Variants in ITSN1 observed in about 807,000 individuals in gnomAD.
ITSN1 encodes intersectin-1.
Under a neutral mutation model 239.8 loss-of-function variants are expected in ITSN1, and 58 were observed. The ratio of observed to expected loss-of-function variants is 0.24; its 90% CI spans 0.20 to 0.30. The LOEUF is 0.30. Among genes scored for constraint, ITSN1 ranks in the 10% least tolerant of loss-of-function variants. The probability of loss-of-function intolerance (pLI) is 1.00; values close to 1 mark genes in which losing one functional copy is unlikely to be tolerated. For synonymous variants in ITSN1, 780 were observed against 770.8 expected (o/e 1.01, Z -0.20); for missense variants, 1,558 against 2,103.3 (o/e 0.74, Z 5.07).
intron 1 of ITSN1, among the ~76,000 whole-genome samples, chr21:33,644,277 C>T (rs1003496585): frequency 5.3e-5 from 8 of 152,142 alleles, no homozygotes; most frequent in Admixed American, 1.3e-4. Context: ...AAAGAAAAAT[C>T]CTTAGTGCAG....
intron 12 of ITSN1, among the ~76,000 whole-genome samples, 167 bp downstream of exon 12, chr21:33,772,490 C>T (rs1455755971): frequency 1.3e-5 from 2 of 152,304 alleles, no homozygotes; most frequent in Middle Eastern, 3.4e-3. Context: ...ATTTTCATCA[C>T]TCCAGCTCTT....
chr21:33,822,998 GCTAT>G (rs1416568641), intron 24 of ITSN1, among the ~76,000 whole-genome samples: 4 of 152,190 alleles, frequency 2.6e-5, no homozygotes, highest in Admixed American at 6.5e-5. Flanking sequence ...AAGGATATAT[GCTAT>G]CTAACAATTT....
intron 1 of ITSN1, among the ~76,000 whole-genome samples, chr21:33,710,300 G>A (rs924085745): frequency 2.0e-5 from 3 of 151,684 alleles, no homozygotes; most frequent in Admixed American, 6.6e-5. Flanking sequence ...GGATGGTCTC[G>A]ACCTCCTGAC....
intron 1 of ITSN1, among the ~76,000 whole-genome samples, chr21:33,693,357 T>G (rs139551395): frequency 0.016 from 2,367 of 151,610 alleles, 28 homozygotes; most frequent in Middle Eastern, 0.031. Context: ...GTTTTGTTTT[T>G]TTTGGTGGGG....
chr21:33,730,947 C>T (rs918874814), intron 4 of ITSN1, among the ~76,000 whole-genome samples: 2 of 152,074 alleles, frequency 1.3e-5, no homozygotes, highest in African/African-American at 4.8e-5. Context: ...CCACCTGCCT[C>T]GGCCTCCCAA....
At chr21:33,794,510 T>G (rs573441789) in intron 17 of ITSN1, 42 bp downstream of exon 17, 1 of 1,576,210 alleles carries the variant, frequency 6.3e-7, no homozygotes, top group East Asian at 2.2e-5. Context: ...GAAGGAACTT[T>G]GAGGATTTAC....
At position 33,802,462 on chromosome 21, in the gene ITSN1, G is replaced by C. The variant is rs767727324; in HGVS notation, c.2319+18G>C. 1.2e-6 allele frequency: 2 copies of C among 1,613,102 alleles called. No homozygotes were observed. Among genetic ancestry groups the C allele is most frequent in the South Asian group, 2.2e-5 (2 of 90,948 alleles). ...GGGAATGGGTAAGTGTTGCCTAACT[G>C]TCAGGAAGTCTGCATCTTATTCAAT... is the stretch of plus-strand genomic sequence containing the variant. On this transcript the variant is annotated intron_variant, in intron 20 of 39. Transcript: ENST00000381318.
At chr21:33,665,838 T>C (rs1447663958) in intron 1 of ITSN1, among the ~76,000 whole-genome samples, 1 of 152,282 alleles carries the variant, frequency 6.6e-6, no homozygotes, top group East Asian at 1.9e-4. Context: ...TAAACGTACC[T>C]TGAAAGCATG....
At chr21:33,841,960 C>T (rs535083585) in intron 29 of ITSN1, among the ~76,000 whole-genome samples, 17 of 139,156 alleles carry the variant, frequency 1.2e-4, no homozygotes, top group South Asian at 4.6e-4. Context: ...TTTTTTGAGA[C>T]GGTTCACCCA....
chr21:33,852,068 A>G (rs747127868), intron 29 of ITSN1, among the ~76,000 whole-genome samples: 21 of 152,172 alleles, frequency 1.4e-4, no homozygotes, highest in Non-Finnish European at 2.8e-4. Flanking sequence ...GATTACAGAC[A>G]TAAGCCACCA....
At chr21:33,878,008 TTGTGTGTGTGTG>T (rs71194867) in intron 34 of ITSN1, among the ~76,000 whole-genome samples, 45,313 of 140,256 alleles carry the variant, frequency 0.32, 8,336 homozygotes, top group East Asian at 0.49. Context: ...CTCTCTCTCT[TTGTGTGTGTGTG>T]TGTGTGTGTG....
chr21:33,662,065 T>C (rs2089601775), intron 1 of ITSN1, among the ~76,000 whole-genome samples: 1 of 152,140 alleles, frequency 6.6e-6, no homozygotes, highest in Non-Finnish European at 1.5e-5. Context: ...CAGTTTAGAG[T>C]GCATTATGCT....
chr21:33,660,815 A>G (rs1215773618), intron 1 of ITSN1, among the ~76,000 whole-genome samples: 1 of 152,186 alleles, frequency 6.6e-6, no homozygotes, highest in African/African-American at 2.4e-5. Context: ...CTCTGTTACA[A>G]TAAAATCTGT....
chr21:33,700,567 C>T (rs759104961), intron 1 of ITSN1, among the ~76,000 whole-genome samples: 6 of 152,122 alleles, frequency 3.9e-5, no homozygotes, highest in Non-Finnish European at 5.9e-5. Flanking sequence ...AAGCCTAATC[C>T]GTTTATAAAT....
In ITSN1 at chr21:33,811,194, C is replaced by A; in HGVS notation, c.2539C>A (p.Pro847Thr). ...AACCTCTTCAGAGCCCTCCACGACCCCTAATAACTGGGCCGACTTCAGCTC... is the reference window on the plus strand; with the variant it reads ...AACCTCTTCAGAGCCCTCCACGACCACTAATAACTGGGCCGACTTCAGCTC... ...AVTSSEPSTTPNNWADFSSTW... is the reference protein window; with the variant it reads ...AVTSSEPSTTTNNWADFSSTW... The change falls in exon 21 of 40, where the codon CCT becomes ACT. Residue 847 changes from proline to threonine, a missense_variant. Physicochemically the swap from Pro to Thr is conservative, Grantham distance 38 (BLOSUM62 -1). Coordinates refer to ENST00000381318, the MANE Select transcript of ITSN1 (RefSeq NM_003024.3). The A allele has an allele frequency of 6.2e-7, 1 of 1,602,716 alleles. No individual in the cohort carries two copies. The highest frequency in any genetic ancestry group is 8.5e-7 in the Non-Finnish European group (1 of 1,173,014).
chr21:33,778,790 G>A lies in ITSN1; in HGVS notation c.1597-2671G>A, dbSNP rs1287686510. ...AGACGGGGTTTCACCGTTTTAGCCG[G>A]GATGGTCTCGATCTCCTGACCTCGT... On this transcript the variant is annotated intron_variant, in intron 14 of 39. Transcript: ENST00000381318. Among the ~76,000 whole-genome samples the A allele has an allele frequency of 1.4e-5, 2 of 140,666 alleles. 1 individual carries two copies. The highest frequency in any genetic ancestry group is 6.4e-5 in the African/African-American group (2 of 31,454). 92.3% of individuals were successfully genotyped at this position (140,666 alleles called of 152,430 possible).
chr21:33,747,703 A>T (rs2067268232), intron 5 of ITSN1, among the ~76,000 whole-genome samples: 1 of 152,242 alleles, frequency 6.6e-6, no homozygotes, highest in South Asian at 2.1e-4. Context: ...GCAAGAAAAA[A>T]TTCAACCCAA....
chr21:33,807,576 G>A (rs1431846204), intron 20 of ITSN1, among the ~76,000 whole-genome samples: 1 of 152,142 alleles, frequency 6.6e-6, no homozygotes, highest in East Asian at 1.9e-4. Context: ...CATCCACCTT[G>A]GCTTCCAGAA....
intron 1 of ITSN1, among the ~76,000 whole-genome samples, chr21:33,712,028 T>C (rs576804275): frequency 1.3e-5 from 2 of 152,362 alleles, no homozygotes; most frequent in Admixed American, 1.3e-4. Context: ...CATTTGATTC[T>C]TTTTAAACTA....
Sources: allele counts gnomAD v4.1 joint callset (sites outside exome capture counted in the v4.1 genomes callset), GRCh38; gene constraint gnomAD v4.1.1; transcripts MANE v1.5; gene names NCBI Gene and HGNC (gene_info 2026-07-23, HGNC 2026-07-21).